Variants in TRHDE observed in about 807,000 individuals in gnomAD.
TRHDE encodes the protein thyrotropin-releasing hormone-degrading ectoenzyme.
Under a neutral mutation model 125.7 loss-of-function variants are expected in TRHDE, and 72 were observed. The observed-to-expected ratio is 0.57, with a 90% CI of 0.47 to 0.70. TRHDE has a LOEUF of 0.70. Ranked by LOEUF, TRHDE falls within the 30% of genes least tolerant of loss-of-function variation. The probability of loss-of-function intolerance (pLI) is 0.00; values close to 1 mark genes in which losing one functional copy is unlikely to be tolerated. For missense variants in TRHDE, 1,110 were observed against 1,327.1 expected, an observed-to-expected ratio of 0.84 and a Z score of 2.54; for synonymous variants, 509 against 509.1, an observed-to-expected ratio of 1.00 and a Z score of 0.00.
At chr12:72,321,482 C>G (rs939161815) in intron 2 of TRHDE, among the ~76,000 whole-genome samples, 4 of 152,108 alleles carry the variant, frequency 2.6e-5, no homozygotes, top group African/African-American at 9.7e-5. Context: ...CTTTGGGATA[C>G]TTGTTCACCA....
chr12:72,184,178 G>C, intron 2 of TRHDE, among the ~76,000 whole-genome samples: 1 of 152,142 alleles, frequency 6.6e-6, no homozygotes, highest in South Asian at 2.1e-4. Flanking sequence ...AACACCAAAG[G>C]TTATTTCTTG....
chr12:72,542,062 AG>A (rs1344834183), intron 6 of TRHDE, among the ~76,000 whole-genome samples: 1 of 151,462 alleles, frequency 6.6e-6, no homozygotes, highest in Non-Finnish European at 1.5e-5. Flanking sequence ...TTCTTTCTAG[AG>A]GACTTCCATT....
chr12:72,338,090 G>A (rs935452857), intron 2 of TRHDE, among the ~76,000 whole-genome samples: 9 of 152,146 alleles, frequency 5.9e-5, no homozygotes, highest in African/African-American at 1.9e-4. Context: ...TACAAGTGTC[G>A]CTGTGCCTGC....
rs78832538 is a variant in TRHDE at position 72,646,582 on chromosome 12, T to C, written c.2676-5740T>C. ...GCAAGACCTACATGCACAGTGTTGG[T>C]AAGAGTCTCACTTTAGCTTTAAGGA... On this transcript the variant is annotated intron_variant, in intron 15 of 18. Transcript: ENST00000261180. 1.3e-3 allele frequency among the ~76,000 whole-genome samples: 191 copies of C among 152,144 alleles called. 3 individuals carry two copies. In the East Asian group the frequency reaches 0.025, roughly 20 times the overall value.
At chr12:72,396,831 C>T (rs1872812228) in intron 3 of TRHDE, among the ~76,000 whole-genome samples, 1 of 152,172 alleles carries the variant, frequency 6.6e-6, no homozygotes, top group Admixed American at 6.5e-5. Context: ...ACCTCACTGG[C>T]TATTCCTTCT....
At chr12:72,328,532 G>A (rs1383367364) in intron 2 of TRHDE, among the ~76,000 whole-genome samples, 1 of 151,990 alleles carries the variant, frequency 6.6e-6, no homozygotes, top group African/African-American at 2.4e-5. Context: ...GGAAAGCAAT[G>A]TGTGTCTTTA....
rs1444604 is a variant in TRHDE, at chr12:72,465,923, C to A, written c.1316-3835C>A. Among the ~76,000 whole-genome samples the A allele has an allele frequency of 4.5e-3, 689 of 152,176 alleles. 22 individuals are homozygous for A. Among genetic ancestry groups the A allele is most frequent in the Admixed American group, 0.037 (570 of 15,282 alleles). Reference sequence around the variant, plus strand: ...ATGGTTCCTCATATTTATTATAAAACCTGTGTGTATATAAGAAGCTGTCCT... The same window carrying A: ...ATGGTTCCTCATATTTATTATAAAAACTGTGTGTATATAAGAAGCTGTCCT... On this transcript the variant is annotated intron_variant, in intron 3 of 18. Transcript: ENST00000261180.
chr12:72,297,077 A>C (rs1010852715), intron 2 of TRHDE, among the ~76,000 whole-genome samples: 2 of 152,100 alleles, frequency 1.3e-5, no homozygotes, highest in African/African-American at 4.8e-5. Flanking sequence ...AGTTTTAAGA[A>C]CCCAGGAATA....
At chr12:72,328,290 A>G (rs891327874) in intron 2 of TRHDE, among the ~76,000 whole-genome samples, 3 of 152,234 alleles carry the variant, frequency 2.0e-5, no homozygotes, top group African/African-American at 4.8e-5. Context: ...GCTGAGTGTT[A>G]CAGACACATT....
intron 2 of TRHDE, among the ~76,000 whole-genome samples, chr12:72,318,713 G>A (rs1868929628): frequency 7.1e-6 from 1 of 141,720 alleles, no homozygotes; most frequent in South Asian, 2.1e-4. Context: ...TCTGTCAAAA[G>A]TTATTTTTTT....
In TRHDE at chr12:72,597,758, T is replaced by TATATAC. The variant is rs1565804834; in HGVS notation, c.2322-21133_2322-21132insATATAC. On this transcript the variant is annotated intron_variant, in intron 12 of 18. Transcript: ENST00000261180. Reference sequence around the variant, plus strand: ...ATATATATATATATATATATATATATGCATACACACACAAATACATATGTA... The same window carrying TATATAC: ...ATATATATATATATATATATATATATATATACGCATACACACACAAATACATATGTA... Among the ~76,000 whole-genome samples, 158 of 20,258 alleles carry TATATAC rather than the reference T, an allele frequency of 7.8e-3. 3 individuals are homozygous for TATATAC. The highest frequency in any genetic ancestry group is 0.01 in the Non-Finnish European group (120 of 11,960). The allele number at this position is 20,258 out of a possible 152,430, so 13.3% of individuals were successfully genotyped here. A position where few individuals can be genotyped will look rare whatever the true frequency, so the allele number is the denominator to read the frequency against.
intron 3 of TRHDE, among the ~76,000 whole-genome samples, chr12:72,380,198 C>A (rs1276705790): frequency 6.6e-6 from 1 of 152,136 alleles, no homozygotes; most frequent in Admixed American, 6.5e-5. Context: ...GATCTATAAG[C>A]ATTTACTGAG....
chr12:72,322,078 T>G (rs1434217287), intron 2 of TRHDE, among the ~76,000 whole-genome samples: 1 of 152,150 alleles, frequency 6.6e-6, no homozygotes, highest in Non-Finnish European at 1.5e-5. Context: ...GAAAATTCTA[T>G]TTGCTAAAAT....
At chr12:72,570,578 CAAAAAAAA>C (rs572094533) in intron 10 of TRHDE, among the ~76,000 whole-genome samples, 6,518 of 58,302 alleles carry the variant, frequency 0.11, 525 homozygotes, top group African/African-American at 0.24. Context: ...GAGACTGTCT[CAAAAAAAA>C]AAAAAAAAAA....
intron 9 of TRHDE, among the ~76,000 whole-genome samples, chr12:72,566,604 T>C (rs1870458142): frequency 1.5e-5 from 1 of 66,734 alleles, no homozygotes; most frequent in Non-Finnish European, 2.9e-5. Flanking sequence ...ATAAATAATT[T>C]AAATACATGG....
intron 2 of TRHDE, among the ~76,000 whole-genome samples, chr12:72,117,738 C>T (rs2139299273): frequency 6.6e-6 from 1 of 151,964 alleles, no homozygotes; most frequent in African/African-American, 2.4e-5. Flanking sequence ...TTATTGTGTC[C>T]TCTTTAATTT....
At chr12:72,331,664 A>G (rs1005402653) in intron 2 of TRHDE, among the ~76,000 whole-genome samples, 3 of 152,146 alleles carry the variant, frequency 2.0e-5, no homozygotes, top group African/African-American at 7.2e-5. Flanking sequence ...TTATGAGGGA[A>G]AAGGAATGAG....
At chr12:72,237,278 A>G (rs61924336) in intron 2 of TRHDE, among the ~76,000 whole-genome samples, 51 of 152,346 alleles carry the variant, frequency 3.3e-4, no homozygotes, top group Admixed American at 5.9e-4. Context: ...GAGAGTTTCT[A>G]TGACTAAAAG....
chr12:72,421,548 T>C (rs1293302238), intron 3 of TRHDE, among the ~76,000 whole-genome samples: 1 of 152,222 alleles, frequency 6.6e-6, no homozygotes, highest in Non-Finnish European at 1.5e-5. Flanking sequence ...TCTAAAGTTA[T>C]GTGGCATTAT....
Sources: gnomAD v4.1 joint callset for allele counts (sites outside exome capture counted in the v4.1 genomes callset) on GRCh38, gnomAD v4.1.1 for gene constraint, MANE v1.5 for transcripts, NCBI Gene and HGNC (gene_info 2026-07-23, HGNC 2026-07-21) for gene names.